The following WNT3 variants were observed in gnomAD, a reference collection of about 807,000 sequenced individuals.
WNT3 encodes Wnt family member 3, also known as proto-oncogene Wnt-3.
Under a neutral mutation model 34.2 loss-of-function variants are expected in WNT3, and 7 were observed. The observed-to-expected ratio is 0.20, with a 90% CI of 0.12 to 0.38. The LOEUF (loss-of-function observed/expected upper bound fraction) is 0.38, where lower values mean the gene tolerates loss of function less well. Among genes scored for constraint, WNT3 ranks in the 10% least tolerant of loss-of-function variants. The pLI is 1.00. For missense variants in WNT3, 267 were observed against 499.8 expected, an observed-to-expected ratio of 0.53 and a Z score of 4.44; for synonymous variants, 212 against 211.5, an observed-to-expected ratio of 1.00 and a Z score of -0.02.
chr17:46,818,578 C>A lies in WNT3; in HGVS notation c.20G>T (p.Gly7Val). The change falls in exon 1 of 5, where the codon GGG becomes GTG. Residue 7 changes from glycine (G) to valine (V), a missense_variant. Gly to Val is a moderately radical substitution (Grantham distance 109). This residue lies in a region of WNT3 where 26 missense variants were observed against 25.8 expected (regional missense o/e 1.01). Transcript: ENST00000225512. MEPHLL[G>V]LLLGLLLGGT... ...ACCGAGCAGGAGGCCGAGGAGCAGC[C>A]CGAGCAGGTGGGGCTCCATTAGAAG... The A allele has an allele frequency of 6.2e-7, 1 of 1,605,096 alleles. No individual in the cohort carries two copies. Among genetic ancestry groups the A allele is most frequent in the Non-Finnish European group, 8.5e-7 (1 of 1,176,574 alleles).
At chr17:46,818,075 G>A (rs960971552) in intron 1 of WNT3, among the ~76,000 whole-genome samples, 3 of 152,030 alleles carry the variant, frequency 2.0e-5, no homozygotes, top group African/African-American at 7.3e-5. Flanking sequence ...TGATGGAGGC[G>A]CCGGCAGAGG....
intron 1 of WNT3, among the ~76,000 whole-genome samples, chr17:46,775,905 G>A (rs557088951): frequency 3.3e-5 from 5 of 152,226 alleles, no homozygotes; most frequent in South Asian, 2.1e-4. Context: ...GAGCCACCAC[G>A]CCCGGCCCAG....
intron 1 of WNT3, among the ~76,000 whole-genome samples, chr17:46,803,232 C>G (rs2084149377): frequency 6.6e-6 from 1 of 152,188 alleles, no homozygotes; most frequent in South Asian, 2.1e-4. Context: ...CCTGTACTTT[C>G]ATTAAAAAGT....
chr17:46,764,906 G>A (rs1229366976), intron 4 of WNT3, among the ~76,000 whole-genome samples: 1 of 152,242 alleles, frequency 6.6e-6, no homozygotes, highest in Non-Finnish European at 1.5e-5. Flanking sequence ...AGGAAGCCCA[G>A]GAGCAGGTCA....
chr17:46,784,508 T>A (rs1333061332), intron 1 of WNT3, among the ~76,000 whole-genome samples: 1 of 151,324 alleles, frequency 6.6e-6, no homozygotes, highest in Non-Finnish European at 1.5e-5. Flanking sequence ...TGATGCCATA[T>A]GCCAAGGGGT....
At chr17:46,779,805 G>A (rs939202569) in intron 1 of WNT3, among the ~76,000 whole-genome samples, 3 of 152,108 alleles carry the variant, frequency 2.0e-5, no homozygotes, top group African/African-American at 7.2e-5. Flanking sequence ...TGTTGCCCGG[G>A]CTGGAGTACA....
chr17:46,769,247 C>T (rs1176530879), intron 3 of WNT3, among the ~76,000 whole-genome samples: 1 of 145,698 alleles, frequency 6.9e-6, no homozygotes, highest in Non-Finnish European at 1.5e-5. Flanking sequence ...ACTCGGGAGG[C>T]GGAGGTTGCA....
chr17:46,817,289 G>A (rs1016081996), intron 1 of WNT3, among the ~76,000 whole-genome samples: 13 of 152,200 alleles, frequency 8.5e-5, no homozygotes, highest in African/African-American at 1.2e-4. Flanking sequence ...GTACCGCACC[G>A]TGGTGGCACT....
chr17:46,770,095 G>A, intron 2 of WNT3, 47 bp from the exon 3 acceptor site: 2 of 1,498,920 alleles, frequency 1.3e-6, no homozygotes, highest in Non-Finnish European at 1.8e-6. Flanking sequence ...CGGCCTGGGA[G>A]CGCCTGCCCT....
chr17:46,778,529 C>T (rs1392330473), intron 1 of WNT3, among the ~76,000 whole-genome samples: 1 of 152,044 alleles, frequency 6.6e-6, no homozygotes, highest in Non-Finnish European at 1.5e-5. Flanking sequence ...CCCGGCCACC[C>T]CCACCCTGAG....
intron 1 of WNT3, among the ~76,000 whole-genome samples, chr17:46,816,813 C>G (rs1439167987): frequency 6.6e-6 from 1 of 152,200 alleles, no homozygotes; most frequent in East Asian, 1.9e-4. Flanking sequence ...CCCCAACCCA[C>G]CAGAGTCTCT....
At chr17:46,770,196 C>T in intron 2 of WNT3, 148 bp from the exon 3 acceptor site, 1 of 1,135,060 alleles carries the variant, frequency 8.8e-7, no homozygotes, top group Non-Finnish European at 1.2e-6. Flanking sequence ...AGGCAGCTTC[C>T]CCACCCTCTT....
At chr17:46,785,752 G>A (rs548407582) in intron 1 of WNT3, among the ~76,000 whole-genome samples, 1 of 152,236 alleles carries the variant, frequency 6.6e-6, no homozygotes, top group South Asian at 2.1e-4. Context: ...CAAGGGTTTG[G>A]CCACAGACTA....
In WNT3 at chr17:46,769,826, G is replaced by C; in HGVS notation, c.545C>G (p.Ala182Gly). The C allele has an allele frequency of 6.2e-7, 1 of 1,613,082 alleles. No homozygotes were observed. The highest frequency in any genetic ancestry group is 8.5e-7 in the Non-Finnish European group (1 of 1,179,886). The change falls in exon 3 of 5, where the codon GCG becomes GGG. Residue 182 changes from alanine (A) to glycine (G), a missense_variant. Ala to Gly is a moderately conservative substitution (Grantham distance 60). Around this residue, in one of 3 missense-constraint regions of WNT3, gnomAD observed 181 missense variants for 391.3 expected, o/e 0.46. Coordinates refer to ENST00000225512, the MANE Select transcript of WNT3 (RefSeq NM_030753.5). ...FADARENRPD[A>G]RSAMNKHNNE... ...GTTGTGCTTGTTCATGGCCGAGCGC[G>C]CGTCCGGCCTGTTCTCGCGCGCATC...
At chr17:46,780,072 A>C (rs902749024) in intron 1 of WNT3, among the ~76,000 whole-genome samples, 32 of 152,232 alleles carry the variant, frequency 2.1e-4, no homozygotes, top group African/African-American at 7.5e-4. Flanking sequence ...GAACATTTTT[A>C]GAGAACATTT....
chr17:46,774,149 C>A (rs1358110918), intron 1 of WNT3, among the ~76,000 whole-genome samples: 1 of 152,236 alleles, frequency 6.6e-6, no homozygotes, highest in African/African-American at 2.4e-5. Context: ...CCGCAGAAGC[C>A]GCTTGTGGGG....
intron 1 of WNT3, among the ~76,000 whole-genome samples, chr17:46,785,626 G>T (rs1007870320): frequency 6.6e-6 from 1 of 152,222 alleles, no homozygotes; most frequent in Non-Finnish European, 1.5e-5. Flanking sequence ...GGGCCACGAG[G>T]GGCCTTCCGA....
chr17:46,786,748 G>T (rs2059509714), intron 1 of WNT3, among the ~76,000 whole-genome samples: 1 of 152,142 alleles, frequency 6.6e-6, no homozygotes, highest in African/African-American at 2.4e-5. Flanking sequence ...GGCCTACTTG[G>T]GGTCACAGCA....
At position 46,785,308 on chromosome 17, in the gene WNT3, C is replaced by T. The variant is rs534793349; in HGVS notation, c.81-11399G>A. Among the ~76,000 whole-genome samples, 15 of 152,336 alleles carry T rather than the reference C, an allele frequency of 9.8e-5. No homozygotes were observed. In the South Asian group the frequency reaches 2.9e-3, roughly 29 times the overall value. On this transcript the variant is annotated intron_variant, in intron 1 of 4. Coordinates refer to ENST00000225512, the MANE Select transcript of WNT3 (RefSeq NM_030753.5). ...GGGCTTTGGCCAGCCCTTCCTGGAC[C>T]TGTCACCCTGCATTGTGTCACTAAT...
Sources: allele counts gnomAD v4.1 joint callset (sites outside exome capture counted in the v4.1 genomes callset), GRCh38; gene constraint gnomAD v4.1.1; regional missense constraint gnomAD v4.1.1; transcripts MANE v1.5; gene names NCBI Gene and HGNC (gene_info 2026-07-23, HGNC 2026-07-21).